Variants in CA7 observed in about 807,000 individuals in gnomAD.
The protein encoded by CA7 is carbonic anhydrase 7.
CA7 carries 13 observed loss-of-function variants against 31.4 expected under a neutral mutation model. The ratio of observed to expected loss-of-function variants is 0.41; its 90% confidence interval spans 0.27 to 0.66. The LOEUF (loss-of-function observed/expected upper bound fraction) is 0.66. Among genes scored for constraint, CA7 ranks in the 30% least tolerant of loss-of-function variants. The pLI is 0.28. For synonymous variants in CA7, 128 were observed against 133.2 expected (o/e 0.96, Z 0.27); for missense variants, 215 against 351.0 (o/e 0.61, Z 3.10).
intron 5 of CA7, among the ~76,000 whole-genome samples, 177 bp from the exon 6 acceptor site, chr16:66,852,531 AAAGG>A (rs761124700): frequency 3.4e-4 from 46 of 133,998 alleles, no homozygotes; most frequent in Non-Finnish European, 6.0e-4. Context: ...GAAGGAAGGG[AAAGG>A]AAGGAAGGAA....
chr16:66,850,469 G>A (rs887284809), intron 2 of CA7, 72 bp from the exon 3 acceptor site: 2 of 871,470 alleles, frequency 2.3e-6, no homozygotes, highest in Non-Finnish European at 2.0e-6. Context: ...TTCCTGGGCT[G>A]CTGCCCTGGT....
intron 6 of CA7, 57 bp downstream of exon 6, chr16:66,852,924 C>T: frequency 6.7e-7 from 1 of 1,500,956 alleles, no homozygotes. Flanking sequence ...TCACCCCAGG[C>T]AGTGTGACTC....
At position 66,851,702 on chromosome 16, in the gene CA7, T is replaced by C. The variant is rs1276455707; in HGVS notation, c.492T>C (p.Asp164=). Residue 164 remains aspartate, a synonymous_variant, in exon 5 of 7, where the codon GAT becomes GAC. Transcript: ENST00000338437. ...DEHPSMNRLT[D]ALYMVRFKGT... Reference sequence around the variant, plus strand: ...ACCCCAGCATGAATCGTCTGACAGATGCGCTCTACATGGTCCGGTTCAAGG... The same window carrying C: ...ACCCCAGCATGAATCGTCTGACAGACGCGCTCTACATGGTCCGGTTCAAGG... 6.2e-7 allele frequency: 1 copy of C among 1,614,124 alleles called. No homozygotes were observed. Among genetic ancestry groups the C allele is most frequent in the Admixed American group, 1.7e-5 (1 of 60,000 alleles).
intron 2 of CA7, among the ~76,000 whole-genome samples, chr16:66,847,473 A>G (rs1223518682): frequency 2.6e-5 from 4 of 152,214 alleles, no homozygotes; most frequent in Non-Finnish European, 5.9e-5. Flanking sequence ...GGCACACAGC[A>G]GATGCTCAGG....
chr16:66,844,575 A>G, intron 1 of CA7, 48 bp downstream of exon 1: 3 of 1,478,116 alleles, frequency 2.0e-6, no homozygotes, highest in African/African-American at 1.4e-5. Context: ...CCCCGACCCA[A>G]CTGCACTCGC....
chr16:66,848,214 G>A (rs368477829), intron 2 of CA7, among the ~76,000 whole-genome samples: 16 of 152,270 alleles, frequency 1.1e-4, no homozygotes, highest in Middle Eastern at 3.4e-3. Context: ...ACAGAAAGAG[G>A]ATTGATTATA....
chr16:66,844,540 C>A lies in CA7; in HGVS notation c.40+13C>A. On this transcript the variant is annotated intron_variant, in intron 1 of 6. Coordinates refer to ENST00000338437, the MANE Select transcript of CA7 (RefSeq NM_005182.3). ...GGCCAGGACGACGGTAGGCACAGACCTCCCCCACCGCCTCTGGCTCGGACC... is the reference window on the plus strand; with the variant it reads ...GGCCAGGACGACGGTAGGCACAGACATCCCCCACCGCCTCTGGCTCGGACC... The A allele has an allele frequency of 6.5e-7, 1 of 1,539,646 alleles. No homozygotes were observed. The highest frequency in any genetic ancestry group is 1.4e-5 in the African/African-American group (1 of 71,784).
rs574632695 is a variant in CA7 at position 66,850,260 on chromosome 16, A to T, written c.239-281A>T. Among the ~76,000 whole-genome samples the T allele has an allele frequency of 3.9e-5, 6 of 152,126 alleles. No homozygotes were observed. The East Asian group carries it at 1.2e-3, about 29-fold the overall frequency. ...TTCAAGACCAGCCTGGCCAACATAG[A>T]GAGACCCCATCTCTACAAAAAATAA... On this transcript the variant is annotated intron_variant, in intron 2 of 6. Transcript: ENST00000338437.
intron 1 of CA7, chr16:66,845,329 T>A: frequency 1.5e-6 from 1 of 648,260 alleles, no homozygotes; most frequent in Non-Finnish European, 1.9e-6. Flanking sequence ...GGGTAAGGGG[T>A]TCCCTATTTC....
chr16:66,845,227 G>T, intron 1 of CA7: 8 of 985,548 alleles, frequency 8.1e-6, no homozygotes, highest in Non-Finnish European at 9.6e-6. Context: ...AGGGAGAAGA[G>T]GCAGAAGGTG....
intron 2 of CA7, among the ~76,000 whole-genome samples, chr16:66,849,001 C>A (rs1960983686): frequency 6.6e-6 from 1 of 152,174 alleles, no homozygotes; most frequent in Admixed American, 6.5e-5. Flanking sequence ...GACTTCTGGA[C>A]TGTCCTGTCC....
intron 2 of CA7, among the ~76,000 whole-genome samples, chr16:66,848,085 C>G (rs1424097833): frequency 6.6e-6 from 1 of 152,072 alleles, no homozygotes; most frequent in Non-Finnish European, 1.5e-5. Context: ...AATAAAAGCC[C>G]TCAAAGGAAC....
rs1961021004 is a variant in CA7, at chr16:66,850,564, G to C, written c.262G>C (p.Gly88Arg). The C allele has an allele frequency of 6.2e-7, 1 of 1,613,628 alleles. No individual in the cohort carries two copies. Among genetic ancestry groups the C allele is most frequent in the Non-Finnish European group, 8.5e-7 (1 of 1,179,578 alleles). ...AGTGGTGACTGGGGGCCCCCTGGAA[G>C]GGCCCTACCGCCTCAAGCAGTTTCA... is the stretch of plus-strand genomic sequence containing the variant. Reference protein sequence around the residue: ...RTVVTGGPLEGPYRLKQFHFH... With the variant: ...RTVVTGGPLERPYRLKQFHFH... The change falls in exon 3 of 7, where the codon GGG becomes CGG. Residue 88 changes from glycine (G) to arginine (R), a missense_variant. Gly to Arg is a moderately radical substitution (Grantham distance 125). Coordinates refer to ENST00000338437, the MANE Select transcript of CA7 (RefSeq NM_005182.3).
chr16:66,848,139 A>G (rs534413562), intron 2 of CA7, among the ~76,000 whole-genome samples: 49 of 152,354 alleles, frequency 3.2e-4, no homozygotes, highest in Admixed American at 9.8e-4. Context: ...GGATGAAGGA[A>G]GCCAGACCTT....
At chr16:66,845,870 A>G (rs1960918762) in intron 1 of CA7, among the ~76,000 whole-genome samples, 1 of 152,234 alleles carries the variant, frequency 6.6e-6, no homozygotes, top group Non-Finnish European at 1.5e-5. Context: ...TGGATTGTCC[A>G]GTCGAGGAAG....
In CA7 at chr16:66,844,451, G is replaced by T; in HGVS notation, c.-37G>T. The T allele has an allele frequency of 5.9e-6, 9 of 1,526,910 alleles. No individual in the cohort carries two copies. Among genetic ancestry groups the T allele is most frequent in the African/African-American group, 4.2e-5 (3 of 70,886 alleles). The allele number at this position is 1,526,910 out of a possible 1,614,324, so 94.6% of individuals were successfully genotyped here. Reference sequence around the variant, plus strand: ...GCAGCCCGAACGAGCGGACCGAGCCGACCGGGCAGGTGCACGGCTGCGGGG... The same window carrying T: ...GCAGCCCGAACGAGCGGACCGAGCCTACCGGGCAGGTGCACGGCTGCGGGG... On this transcript the variant is annotated 5_prime_UTR_variant, in exon 1 of 7. Transcript: ENST00000338437.
rs1194099164 is a variant in CA7 at position 66,853,540 on chromosome 16, C to T, written c.*42C>T. 6.2e-7 allele frequency: 1 copy of T among 1,609,156 alleles called. No individual in the cohort carries two copies. The highest frequency in any genetic ancestry group is 8.5e-7 in the Non-Finnish European group (1 of 1,178,398). On this transcript the variant is annotated 3_prime_UTR_variant, in exon 7 of 7. Transcript: ENST00000338437. This position sits in a 1 kb window ranked among gnomAD's most constrained non-coding sequence, Gnocchi z 4.5. ...GCCGGCCACTAGGGCACCATCTTCTCAAGGGCTTCCATGTCAGCAGACACC... is the reference window on the plus strand; with the variant it reads ...GCCGGCCACTAGGGCACCATCTTCTTAAGGGCTTCCATGTCAGCAGACACC...
Position 66,847,107 on chromosome 16 carries a change from G to A in CA7, c.118G>A (p.Ala40Thr). The A allele has an allele frequency of 6.2e-7, 1 of 1,614,174 alleles. No homozygotes were observed. The highest frequency in any genetic ancestry group is 8.5e-7 in the Non-Finnish European group (1 of 1,180,022). ...ACCCATCAATATCATCTCCAGCCAG[G>A]CTGTGTACTCTCCCAGCCTGCAACC... ...QSPINIISSQ[A>T]VYSPSLQPLE... is the part of the protein sequence containing the mutation. Residue 40 changes from alanine to threonine, a missense_variant, in exon 2 of 7, where the codon GCT becomes ACT. Coordinates refer to ENST00000338437, the MANE Select transcript of CA7 (RefSeq NM_005182.3).
At chr16:66,852,572 GAAAGAAAAGAAAAGAAAAAAA>G (rs1296404167) in intron 5 of CA7, 119 bp from the exon 6 acceptor site, 27 of 536,182 alleles carry the variant, frequency 5.0e-5, no homozygotes, top group Middle Eastern at 5.2e-4. Context: ...GAAAGAAAAA[GAAAGAAAAGAAAAGAAAAAAA>G]AAAGAAAAGA....
Sources: allele counts gnomAD v4.1 joint callset (sites outside exome capture counted in the v4.1 genomes callset), GRCh38; gene constraint gnomAD v4.1.1; non-coding constraint Gnocchi (gnomAD v3.1); transcripts MANE v1.5; gene names NCBI Gene and HGNC (gene_info 2026-07-23, HGNC 2026-07-21).